AGMO: variants seen among roughly 807,000 people sequenced by gnomAD.
The protein encoded by AGMO is glyceryl-ether monooxygenase.
Under a neutral mutation model 60.2 loss-of-function variants are expected in AGMO, and 75 were observed. That is an observed-to-expected ratio of 1.25 (90% CI 1.03 to 1.51). The LOEUF (loss-of-function observed/expected upper bound fraction) is 1.51, where lower values mean the gene tolerates loss of function less well. Ranked by LOEUF, AGMO falls within the 40% of genes most tolerant of loss-of-function variation. The pLI, the probability that AGMO is intolerant of heterozygous loss-of-function variation, is 0.00. For missense variants in AGMO, 763 were observed against 525.5 expected (o/e 1.45, Z -4.42); for synonymous variants, 261 against 177.1 (o/e 1.47, Z -3.76).
chr7:15,342,744 G>A (rs1402038837), intron 12 of AGMO, among the ~76,000 whole-genome samples: 4 of 119,718 alleles, frequency 3.3e-5, no homozygotes, highest in African/African-American at 1.3e-4. Flanking sequence ...CATAGTCAAG[G>A]CTTTTGTTCT....
intron 3 of AGMO, among the ~76,000 whole-genome samples, chr7:15,470,536 C>T (rs1436258345): frequency 6.6e-6 from 1 of 151,816 alleles, no homozygotes; most frequent in African/African-American, 2.4e-5. Context: ...ACAGATTAAA[C>T]CTCAATTTTC....
chr7:15,143,559 T>C, the AGMO span, among the ~76,000 whole-genome samples: 41 of 152,200 alleles, frequency 2.7e-4, no homozygotes, highest in Admixed American at 2.7e-3. Context: ...AAGTAAATAT[T>C]TACACTTTAA....
At chr7:15,365,700 T>C (rs1004597543) in intron 11 of AGMO, 81 bp from the exon 12 acceptor site, 37 of 962,122 alleles carry the variant, frequency 3.8e-5, no homozygotes, top group Non-Finnish European at 5.0e-5. Context: ...TATAAACTTC[T>C]CATTCTCAAG....
chr7:15,248,189 T>TATATATATATATAC (rs1782810991), intron 12 of AGMO, among the ~76,000 whole-genome samples: 1 of 53,992 alleles, frequency 1.9e-5, no homozygotes, highest in Non-Finnish European at 3.5e-5. Flanking sequence ...CATATATATA[T>TATATATATATATAC]ATATATATAT....
chr7:15,345,470 T>A (rs771164145), intron 12 of AGMO, among the ~76,000 whole-genome samples: 1 of 152,156 alleles, frequency 6.6e-6, no homozygotes, highest in Non-Finnish European at 1.5e-5. Context: ...CACAGCTGGA[T>A]TATTTATGTT....
rs1230400335 is a variant in AGMO, at chr7:15,482,563, C to T, written c.410-51455G>A. On this transcript the variant is annotated intron_variant, in intron 3 of 12. Coordinates refer to ENST00000342526, the MANE Select transcript of AGMO (RefSeq NM_001004320.2). ...CAGATTGTTTCACAACTGAATTACC[C>T]CAAACATTTAAGGAAGAAATAGTGA... Among the ~76,000 whole-genome samples the T allele has an allele frequency of 2.6e-5, 4 of 152,038 alleles. No individual in the cohort carries two copies. In the East Asian group the frequency reaches 7.7e-4, roughly 29 times the overall value.
At chr7:15,250,853 G>A (rs928369982) in intron 12 of AGMO, among the ~76,000 whole-genome samples, 1 of 151,880 alleles carries the variant, frequency 6.6e-6, no homozygotes, top group Non-Finnish European at 1.5e-5. Context: ...GCTGAGGCAG[G>A]AGAATCGCTT....
chr7:15,340,729 A>G, intron 12 of AGMO, among the ~76,000 whole-genome samples: 1 of 152,168 alleles, frequency 6.6e-6, no homozygotes, highest in East Asian at 1.9e-4. Context: ...ATATATAAAA[A>G]CACCTGGTTG....
At chr7:15,243,210 G>A (rs919494326) in intron 12 of AGMO, among the ~76,000 whole-genome samples, 2 of 152,180 alleles carry the variant, frequency 1.3e-5, no homozygotes, top group East Asian at 3.9e-4. Flanking sequence ...TCAGGAAAAT[G>A]AACATCTTCA....
At position 15,499,058 on chromosome 7, in the gene AGMO, A is replaced by G. The variant is rs1013775391; in HGVS notation, c.409+45714T>C. 9.2e-4 allele frequency among the ~76,000 whole-genome samples: 140 copies of G among 152,028 alleles called. 2 individuals carry two copies. The highest frequency in any genetic ancestry group is 3.2e-3 in the African/African-American group (132 of 41,536). On this transcript the variant is annotated intron_variant, in intron 3 of 12. Coordinates refer to ENST00000342526, the MANE Select transcript of AGMO (RefSeq NM_001004320.2). ...TTATTCTTGTGTTTAACATTGAAAA[A>G]CACTTAAAGTTCCAAGTTATGATTC...
intron 12 of AGMO, among the ~76,000 whole-genome samples, chr7:15,302,652 C>A (rs1780479146): frequency 6.6e-6 from 1 of 152,112 alleles, no homozygotes; most frequent in Non-Finnish European, 1.5e-5. Flanking sequence ...TATTTATTTT[C>A]TAATATATTA....
chr7:15,131,252 T>C, the AGMO span, among the ~76,000 whole-genome samples: 2 of 152,144 alleles, frequency 1.3e-5, no homozygotes, highest in African/African-American at 4.8e-5. Context: ...AGGAAGGGCA[T>C]AAAGTTGCTG....
intron 12 of AGMO, among the ~76,000 whole-genome samples, chr7:15,340,428 C>T (rs913323929): frequency 3.9e-5 from 6 of 152,178 alleles, no homozygotes; most frequent in African/African-American, 1.2e-4. Context: ...GACAATCTTA[C>T]TACATAACAA....
the AGMO span, among the ~76,000 whole-genome samples, chr7:15,124,028 A>G: frequency 2.0e-5 from 3 of 152,082 alleles, no homozygotes; most frequent in Admixed American, 2.0e-4. Context: ...GAGTGTTTTA[A>G]AAAGCTTGTG....
the AGMO span, among the ~76,000 whole-genome samples, chr7:15,176,179 C>T: frequency 6.6e-6 from 1 of 151,988 alleles, no homozygotes; most frequent in South Asian, 2.1e-4. Flanking sequence ...AAAGCAAACA[C>T]ATACAGTCAT....
At chr7:15,247,459 C>CACAGAGAGAGAGAG (rs139642069) in intron 12 of AGMO, among the ~76,000 whole-genome samples, 75 of 115,260 alleles carry the variant, frequency 6.5e-4, no homozygotes, top group South Asian at 2.6e-3. Context: ...CACACACACA[C>CACAGAGAGAGAGAG]AGAGAGAGAG....
At chr7:15,236,758 A>G (rs1782433687) in intron 12 of AGMO, among the ~76,000 whole-genome samples, 3 of 152,000 alleles carry the variant, frequency 2.0e-5, no homozygotes, top group African/African-American at 7.2e-5. Context: ...AAACAAACAA[A>G]CAAACCACAA....
chr7:15,153,954 T>A, the AGMO span, among the ~76,000 whole-genome samples: 1 of 152,122 alleles, frequency 6.6e-6, no homozygotes, highest in Non-Finnish European at 1.5e-5. Flanking sequence ...ATTTTCACAA[T>A]ATTGATTCTA....
chr7:15,241,332 C>T (rs184134714), intron 12 of AGMO, among the ~76,000 whole-genome samples: 190 of 150,840 alleles, frequency 1.3e-3, no homozygotes, highest in Non-Finnish European at 2.4e-3. Context: ...TGGTGGTGGG[C>T]GCCTGTAATC....
Sources: gnomAD v4.1 joint callset for allele counts (sites outside exome capture counted in the v4.1 genomes callset) on GRCh38, gnomAD v4.1.1 for gene constraint, MANE v1.5 for transcripts, NCBI Gene and HGNC (gene_info 2026-07-23, HGNC 2026-07-21) for gene names.